The following POM121 variants were observed in gnomAD, a reference collection of about 807,000 sequenced individuals.
POM121 encodes POM121 transmembrane nucleoporin.
POM121 carries 32 observed loss-of-function variants against 81.3 expected under a neutral mutation model. The observed-to-expected ratio is 0.39, with a 90% CI of 0.30 to 0.53. The LOEUF (loss-of-function observed/expected upper bound fraction) is 0.53, where lower values mean the gene tolerates loss of function less well. Ranked by LOEUF, POM121 falls within the 20% of genes least tolerant of loss-of-function variation. The pLI, the probability that POM121 is intolerant of heterozygous loss-of-function variation, is 0.66. For missense variants in POM121, 1,138 were observed against 1,614.6 expected, an observed-to-expected ratio of 0.70 and a Z score of 5.06; for synonymous variants, 514 against 694.2, an observed-to-expected ratio of 0.74 and a Z score of 4.08.
chr7:72,928,756 G>A (rs1369958479), intron 4 of POM121, among the ~76,000 whole-genome samples: 2 of 152,172 alleles, frequency 1.3e-5, no homozygotes, highest in Non-Finnish European at 2.9e-5. Context: ...TTGTGCAGTG[G>A]ATAAAACAGT....
chr7:72,927,390 G>A (rs1795566075), intron 3 of POM121, among the ~76,000 whole-genome samples: 1 of 152,162 alleles, frequency 6.6e-6, no homozygotes. Flanking sequence ...ACTAGAGTTT[G>A]GTAGATTTAT....
chr7:72,908,128 G>A (rs1237923364), intron 3 of POM121, among the ~76,000 whole-genome samples: 4 of 152,126 alleles, frequency 2.6e-5, no homozygotes, highest in African/African-American at 7.2e-5. Flanking sequence ...AAATTACAAC[G>A]TAGTTCTTCT....
intron 3 of POM121, among the ~76,000 whole-genome samples, chr7:72,907,328 A>G (rs1793344255): frequency 6.6e-6 from 1 of 152,046 alleles, no homozygotes; most frequent in Non-Finnish European, 1.5e-5. Context: ...TATCACCTCT[A>G]CATATGTTGA....
downstream of POM121, chr7:72,949,969 G>A: frequency 3.1e-6 from 5 of 1,608,658 alleles, no homozygotes; most frequent in African/African-American, 1.3e-5. Context: ...GGCCTGGCAG[G>A]CAGAACACAG....
chr7:72,884,748 TA>T (rs1366473782), intron 1 of POM121, among the ~76,000 whole-genome samples: 2 of 149,542 alleles, frequency 1.3e-5, no homozygotes, highest in Admixed American at 1.3e-4. Flanking sequence ...TACGTGTGTG[TA>T]TATATATATT....
At chr7:72,927,468 G>T (rs1203119749) in intron 3 of POM121, among the ~76,000 whole-genome samples, 29 of 152,190 alleles carry the variant, frequency 1.9e-4, no homozygotes, top group African/African-American at 6.0e-4. Context: ...TCAGCACTTT[G>T]AGAGGCCGAC....
intron 1 of POM121, chr7:72,880,012 G>T (rs1789974279): frequency 2.7e-6 from 1 of 369,308 alleles, no homozygotes. Context: ...TGTTGGGTTT[G>T]AGGGCAAGGT....
In POM121 at chr7:72,948,196, A is replaced by T; in HGVS notation, c.*1962A>T. ...CGGGAGGCTGGGACTTTCCATTACA[A>T]ATAGAGACTTCATTCCTGTTGAGTC... On this transcript the variant is annotated 3_prime_UTR_variant, in exon 13 of 13. Coordinates refer to ENST00000434423, the MANE Select transcript of POM121 (RefSeq NM_001387691.1). 1 of 1,441,250 alleles carries T rather than the reference A, an allele frequency of 6.9e-7. No individual in the cohort carries two copies. The highest frequency in any genetic ancestry group is 2.5e-5 in the East Asian group (1 of 40,074). 89.3% of individuals were successfully genotyped at this position (1,441,250 alleles called of 1,614,324 possible). A position where few individuals can be genotyped will look rare whatever the true frequency, so the allele number is the denominator to read the frequency against.
At chr7:72,879,666 G>A (rs1417030856) in exon 1 of POM121, 4 of 378,368 alleles carry the variant, frequency 1.1e-5, no homozygotes, top group East Asian at 1.7e-4. Context: ...GCCTGGCGCC[G>A]GCCGTCGCTG....
intron 3 of POM121, among the ~76,000 whole-genome samples, chr7:72,907,766 C>T (rs1416201929): frequency 3.3e-5 from 5 of 152,222 alleles, no homozygotes; most frequent in Admixed American, 6.5e-5. Flanking sequence ...CTGCCTTAGC[C>T]TCCCAAAGTG....
In POM121 at chr7:72,939,830, T is replaced by C; in HGVS notation, c.1442-17T>C. On this transcript the variant is annotated splice_polypyrimidine_tract_variant and intron_variant, in intron 7 of 12. Coordinates refer to ENST00000434423, the MANE Select transcript of POM121 (RefSeq NM_001387691.1). Reference sequence around the variant, plus strand: ...GAAGAGGGAAGGAAGCAAACGAGTCTTGATTTCTTTCTTTAGCTGCAGATA... The same window carrying C: ...GAAGAGGGAAGGAAGCAAACGAGTCCTGATTTCTTTCTTTAGCTGCAGATA... 6.2e-7 allele frequency: 1 copy of C among 1,611,082 alleles called. No individual in the cohort carries two copies. Among genetic ancestry groups the C allele is most frequent in the Non-Finnish European group, 8.5e-7 (1 of 1,179,326 alleles).
chr7:72,900,822 A>G (rs781903878), intron 3 of POM121, among the ~76,000 whole-genome samples: 8 of 146,698 alleles, frequency 5.5e-5, no homozygotes, highest in African/African-American at 1.0e-4. Context: ...TATTAATTCT[A>G]TTTCCTTCTT....
At chr7:72,934,406 A>G (rs1481939673) in intron 5 of POM121, among the ~76,000 whole-genome samples, 13 of 152,168 alleles carry the variant, frequency 8.5e-5, no homozygotes, top group African/African-American at 3.1e-4. Flanking sequence ...TCTTTTTCTT[A>G]GAGATTTGAA....
chr7:72,904,024 G>A (rs1241744611), intron 3 of POM121, among the ~76,000 whole-genome samples: 1 of 152,062 alleles, frequency 6.6e-6, no homozygotes, highest in Non-Finnish European at 1.5e-5. Context: ...GGCTGGTCTC[G>A]AACTCCTGGC....
chr7:72,921,478 T>C (rs1794814361), upstream of POM121, among the ~76,000 whole-genome samples: 1 of 152,194 alleles, frequency 6.6e-6, no homozygotes. Flanking sequence ...ATCTCCCTAC[T>C]GTGCTCAGAC....
intron 4 of POM121, among the ~76,000 whole-genome samples, chr7:72,918,907 C>T (rs1554495508): frequency 6.6e-6 from 1 of 152,190 alleles, no homozygotes; most frequent in African/African-American, 2.4e-5. Context: ...AAGCGATTCT[C>T]CTGCCTCAGC....
chr7:72,922,945 CTA>C (rs1219539162), upstream of POM121, among the ~76,000 whole-genome samples: 3 of 152,050 alleles, frequency 2.0e-5, no homozygotes, highest in South Asian at 2.1e-4. Flanking sequence ...GACCTAGACA[CTA>C]TGTTTCTTCT....
At chr7:72,945,815 A>G (rs1416271866) in intron 12 of POM121, 107 bp downstream of exon 12, 3 of 1,478,836 alleles carry the variant, frequency 2.0e-6, no homozygotes, top group Non-Finnish European at 2.7e-6. Flanking sequence ...GGTTCAGCAC[A>G]GGAAAGACAT....
chr7:72,914,355 GC>G (rs1343209431), intron 4 of POM121, among the ~76,000 whole-genome samples: 3 of 151,772 alleles, frequency 2.0e-5, no homozygotes, highest in African/African-American at 7.3e-5. Flanking sequence ...CCAGAGACAA[GC>G]CAGGCCTGTT....
Sources: gnomAD v4.1 joint callset for allele counts (sites outside exome capture counted in the v4.1 genomes callset) on GRCh38, gnomAD v4.1.1 for gene constraint, MANE v1.5 for transcripts, NCBI Gene and HGNC (gene_info 2026-07-23, HGNC 2026-07-21) for gene names.